CCDC125: variants seen among roughly 807,000 people sequenced by gnomAD.
CCDC125 encodes the protein coiled-coil domain containing 125.
CCDC125 carries 43 observed loss-of-function variants against 57.4 expected under a neutral mutation model. The ratio of observed to expected loss-of-function variants is 0.75; its 90% confidence interval spans 0.59 to 0.97. The LOEUF (loss-of-function observed/expected upper bound fraction) is 0.97, where lower values mean the gene tolerates loss of function less well. CCDC125 is among the 50% of genes least tolerant of loss of function. The pLI is 0.00. For synonymous variants in CCDC125, 187 were observed against 195.2 expected (o/e 0.96, Z 0.35); for missense variants, 563 against 595.7 (o/e 0.95, Z 0.57).
At chr5:69,279,212 T>TA (rs1041942310), downstream of CCDC125, among the ~76,000 whole-genome samples, 1 of 150,556 alleles carries the variant, frequency 6.6e-6, no homozygotes, top group African/African-American at 2.4e-5. Flanking sequence ...TTTTTTTTTT[T>TA]TTGGAGATGG....
intron 3 of CCDC125, 85 bp from the exon 4 acceptor site, chr5:69,311,289 T>G (rs1758096848): frequency 1.3e-6 from 1 of 751,772 alleles, no homozygotes; most frequent in Non-Finnish European, 2.2e-6. Context: ...CATTTACCCT[T>G]GGCTCAAACC....
chr5:69,288,626 G>C (rs1190637501), intron 10 of CCDC125, among the ~76,000 whole-genome samples: 1 of 152,168 alleles, frequency 6.6e-6, no homozygotes, highest in Non-Finnish European at 1.5e-5. Flanking sequence ...GTGTTTCCCG[G>C]AGTTCTGTGA....
At chr5:69,285,050 T>G (rs1415650804) in intron 11 of CCDC125, among the ~76,000 whole-genome samples, 1 of 151,936 alleles carries the variant, frequency 6.6e-6, no homozygotes, top group East Asian at 1.9e-4. Context: ...TGAGCCGAGA[T>G]CGCGCCGCTG....
chr5:69,320,109 C>A, intron 2 of CCDC125, 128 bp downstream of exon 2: 1 of 929,344 alleles, frequency 1.1e-6, no homozygotes, highest in Non-Finnish European at 1.6e-6. Context: ...GGTGACAGAG[C>A]AAGACTCCGT....
chr5:69,277,844 T>TA (rs894863919), downstream of CCDC125, among the ~76,000 whole-genome samples: 10 of 151,994 alleles, frequency 6.6e-5, no homozygotes, highest in Admixed American at 1.3e-4. Context: ...CGGAATGTAC[T>TA]AAAAAAAGAA....
At chr5:69,285,250 C>A in intron 11 of CCDC125, 87 bp downstream of exon 11, 1 of 1,327,480 alleles carries the variant, frequency 7.5e-7, no homozygotes, top group South Asian at 1.4e-5. Context: ...ACATTCAAAG[C>A]TGTTCTGGGC....
chr5:69,278,753 T>G (rs1752324567), downstream of CCDC125, among the ~76,000 whole-genome samples: 1 of 139,630 alleles, frequency 7.2e-6, no homozygotes, highest in African/African-American at 2.7e-5. Flanking sequence ...CAGGTTGGAG[T>G]GTAGTAGTGC....
At chr5:69,329,638 G>C (rs950422197) in intron 1 of CCDC125, among the ~76,000 whole-genome samples, 4 of 151,670 alleles carry the variant, frequency 2.6e-5, no homozygotes, top group Admixed American at 6.6e-5. Context: ...GAGTAGCTGG[G>C]ATTACAGGTG....
intron 8 of CCDC125, among the ~76,000 whole-genome samples, chr5:69,295,984 C>T (rs1001729123): frequency 6.6e-5 from 10 of 151,338 alleles, no homozygotes; most frequent in African/African-American, 2.4e-4. Context: ...CCTGGGTTCA[C>T]GCCATTGTCC....
intron 2 of CCDC125, among the ~76,000 whole-genome samples, chr5:69,318,083 G>A (rs988538530): frequency 6.9e-6 from 1 of 144,612 alleles, no homozygotes; most frequent in East Asian, 2.1e-4. Context: ...CCAGGTTCAC[G>A]TGATTCTCCT....
At chr5:69,292,716 G>A (rs1288875693) in intron 9 of CCDC125, among the ~76,000 whole-genome samples, 2 of 151,904 alleles carry the variant, frequency 1.3e-5, no homozygotes, top group Non-Finnish European at 2.9e-5. Flanking sequence ...CTCAGCTTTG[G>A]GCCATTCCAG....
At chr5:69,283,364 T>C (rs372718507) in intron 11 of CCDC125, among the ~76,000 whole-genome samples, 51 of 150,716 alleles carry the variant, frequency 3.4e-4, no homozygotes, top group Admixed American at 1.2e-3. Context: ...GGACCACAGG[T>C]GCCCGCCACC....
chr5:69,313,788 A>G, intron 3 of CCDC125, 197 bp downstream of exon 3: 3 of 796,662 alleles, frequency 3.8e-6, no homozygotes, highest in Admixed American at 1.7e-5. Context: ...CGCTTCTTCA[A>G]CTTCTCTGGT....
the CCDC125 span, among the ~76,000 whole-genome samples, chr5:69,273,882 G>A: frequency 6.6e-6 from 1 of 152,238 alleles, no homozygotes; most frequent in Middle Eastern, 3.4e-3. Context: ...AATATATATG[G>A]AGATGGATGG....
At chr5:69,324,344 G>A (rs1410543048) in intron 1 of CCDC125, among the ~76,000 whole-genome samples, 2 of 152,222 alleles carry the variant, frequency 1.3e-5, no homozygotes, top group African/African-American at 2.4e-5. Flanking sequence ...TCCAAGTGCT[G>A]CTGAGGATGT....
chr5:69,276,507 C>T (rs747833183), downstream of CCDC125: 7 of 1,596,994 alleles, frequency 4.4e-6, no homozygotes, highest in Admixed American at 1.2e-4. Context: ...TTCAGATACT[C>T]ACCTACCTTA....
intron 7 of CCDC125, among the ~76,000 whole-genome samples, chr5:69,302,341 G>A (rs1433020494): frequency 2.4e-5 from 3 of 123,740 alleles, no homozygotes; most frequent in Non-Finnish European, 4.8e-5. Context: ...AGGATCACCT[G>A]AACTGGGAGG....
At chr5:69,321,247 A>G (rs1348409451) in intron 1 of CCDC125, among the ~76,000 whole-genome samples, 1 of 152,232 alleles carries the variant, frequency 6.6e-6, no homozygotes, top group Non-Finnish European at 1.5e-5. Context: ...TAATTATTCC[A>G]CATTGTATTC....
chr5:69,276,132 G>T (rs1316624149), downstream of CCDC125, among the ~76,000 whole-genome samples: 1 of 152,036 alleles, frequency 6.6e-6, no homozygotes, highest in Non-Finnish European at 1.5e-5. Context: ...GGGTTCAAGC[G>T]ATTCTCCTAC....
Sources: allele counts gnomAD v4.1 joint callset (sites outside exome capture counted in the v4.1 genomes callset), GRCh38; gene constraint gnomAD v4.1.1; transcripts MANE v1.5; gene names NCBI Gene and HGNC (gene_info 2026-07-23, HGNC 2026-07-21).